The following ODAD4 variants were observed in gnomAD, a reference collection of about 807,000 sequenced individuals.
ODAD4 encodes outer dynein arm-docking complex subunit 4.
Under a neutral mutation model 51.8 loss-of-function variants are expected in ODAD4, and 49 were observed. The observed-to-expected ratio is 0.95, with a 90% CI of 0.75 to 1.20. The LOEUF is 1.20. Among genes scored for constraint, ODAD4 ranks in the 50% most tolerant of loss-of-function variants. ODAD4 has a pLI of 0.00. For synonymous variants in ODAD4, 235 were observed against 221.3 expected (o/e 1.06, Z -0.55); for missense variants, 590 against 586.5 (o/e 1.01, Z -0.06).
chr17:41,957,073 A>C (rs1555641126), intron 10 of ODAD4, among the ~76,000 whole-genome samples: 1 of 151,786 alleles, frequency 6.6e-6, no homozygotes, highest in Non-Finnish European at 1.5e-5. Flanking sequence ...CTGGGGGCTA[A>C]TTTTTTATTT....
intron 3 of ODAD4, 70 bp from the exon 4 acceptor site, chr17:41,936,403 A>T: frequency 8.8e-7 from 1 of 1,142,698 alleles, no homozygotes; most frequent in Non-Finnish European, 1.3e-6. Flanking sequence ...AGCCATTTCT[A>T]CATAAAAATA....
Position 41,965,113 on chromosome 17 carries a change from A to G in ODAD4, c.1649A>G (p.Glu550Gly), listed in dbSNP as rs1555642353. ...AGTGAGGATGAGAAAGAGACAGATG[A>G]GGACGATGAGGCTTTTGGGGAAGCT... The part of the protein sequence containing the change: ...DHSEDEKETD[E>G]DDEAFGEALQ... Residue 550 changes from glutamate (E) to glycine (G), a missense_variant, in exon 12 of 12, where the codon GAG becomes GGG. Physicochemically the swap from Glu to Gly is moderately conservative, Grantham distance 98. This residue lies in a region of ODAD4 where 226 missense variants were observed against 162.7 expected (regional missense o/e 1.39). Transcript: ENST00000377540. The G allele has an allele frequency of 2.6e-6, 2 of 772,714 alleles. No homozygotes were observed. Among genetic ancestry groups the G allele is most frequent in the Non-Finnish European group, 4.8e-6 (2 of 414,232 alleles). 47.9% of individuals were successfully genotyped at this position (772,714 alleles called of 1,614,324 possible).
At chr17:41,951,773 A>G (rs978686678) in intron 9 of ODAD4, among the ~76,000 whole-genome samples, 4 of 147,120 alleles carry the variant, frequency 2.7e-5, no homozygotes, top group Non-Finnish European at 5.9e-5. Flanking sequence ...AGTCCCAACT[A>G]CTCGGGAGGC....
chr17:41,940,110 C>T lies in ODAD4; in HGVS notation c.1058+938C>T, dbSNP rs535283881. Among the ~76,000 whole-genome samples the T allele has an allele frequency of 4.7e-4, 72 of 152,292 alleles. 1 individual carries two copies. Among genetic ancestry groups the T allele is most frequent in the African/African-American group, 1.6e-3 (68 of 41,560 alleles). ...CCTGGTTCTACCCTTTGGAGTCATTCTTGACTTCCTCCTGCCTGGTTTCTA... is the reference window on the plus strand; with the variant it reads ...CCTGGTTCTACCCTTTGGAGTCATTTTTGACTTCCTCCTGCCTGGTTTCTA... On this transcript the variant is annotated intron_variant, in intron 7 of 11. Coordinates refer to ENST00000377540, the MANE Select transcript of ODAD4 (RefSeq NM_031421.5).
At chr17:41,951,883 CAAAAAA>C (rs55769009) in intron 9 of ODAD4, among the ~76,000 whole-genome samples, 1 of 35,550 alleles carries the variant, frequency 2.8e-5, no homozygotes, top group Non-Finnish European at 5.6e-5. Context: ...GACTCTGTCG[CAAAAAA>C]AAAAAAAAAA....
Position 41,965,566 on chromosome 17 carries a change from G to T in ODAD4, c.*83G>T. 1.5e-6 allele frequency: 1 copy of T among 664,472 alleles called. No homozygotes were observed. 41.2% of individuals were successfully genotyped at this position (664,472 alleles called of 1,614,324 possible). ...ATTAAACTGGATTTTCAAGCGATTT[G>T]TCTGTTATAGGAAAAATGAGGGTTT... On this transcript the variant is annotated 3_prime_UTR_variant, in exon 12 of 12. Coordinates refer to ENST00000377540, the MANE Select transcript of ODAD4 (RefSeq NM_031421.5).
At position 41,965,324 on chromosome 17, in the gene ODAD4, G is replaced by C. The variant is rs782092410; in HGVS notation, c.1860G>C (p.Glu620Asp). The C allele has an allele frequency of 5.1e-6, 4 of 780,526 alleles. No individual in the cohort carries two copies. The African/African-American group carries it at 6.8e-5, about 13-fold the overall frequency. 48.4% of individuals were successfully genotyped at this position (780,526 alleles called of 1,614,324 possible). Residue 620 changes from glutamate to aspartate, a missense_variant, in exon 12 of 12, where the codon GAG becomes GAC. By Grantham distance (45) the Glu-to-Asp change is conservative (BLOSUM62 2). Coordinates refer to ENST00000377540, the MANE Select transcript of ODAD4 (RefSeq NM_031421.5). ...EIYRRPSGEL[E>D]QRLSGEFSRQ... ...ATAGGAGGCCTTCGGGAGAATTAGA[G>C]CAAAGACTCTCAGGAGAATTCAGCA...
At chr17:41,939,283 C>T (rs2050474194) in intron 7 of ODAD4, 111 bp downstream of exon 7, 2 of 1,072,980 alleles carry the variant, frequency 1.9e-6, no homozygotes, top group Admixed American at 2.8e-5. Flanking sequence ...TTCTGCTCTG[C>T]ATGCCTGAGG....
rs371241893 is a variant in ODAD4, at chr17:41,965,375, A to C, written c.1911A>C (p.Lys637Asn). 10 of 780,656 alleles carry C rather than the reference A, an allele frequency of 1.3e-5. No homozygotes were observed. The African/African-American group carries it at 1.7e-4, about 13-fold the overall frequency. 48.4% of individuals were successfully genotyped at this position (780,656 alleles called of 1,614,324 possible). A position where few individuals can be genotyped will look rare whatever the true frequency, so the allele number is the denominator to read the frequency against. Residue 637 changes from lysine (K) to asparagine (N), a missense_variant, in exon 12 of 12, where the codon AAA becomes AAC. By Grantham distance (94) the Lys-to-Asn change is moderately conservative. Around this residue, in one of 3 missense-constraint regions of ODAD4, gnomAD observed 226 missense variants for 162.7 expected, o/e 1.39. Transcript: ENST00000377540. Reference sequence around the variant, plus strand: ...GACAGGAACCAGAAGAACTAAAGAAACTTTCAGAAGTGGGCAGAAGAGAGC... The same window carrying C: ...GACAGGAACCAGAAGAACTAAAGAACCTTTCAGAAGTGGGCAGAAGAGAGC... ...FSRQEPEELK[K>N]LSEVGRREPE...
intron 10 of ODAD4, among the ~76,000 whole-genome samples, chr17:41,956,726 G>A (rs1485544163): frequency 6.6e-6 from 1 of 151,818 alleles, no homozygotes; most frequent in Non-Finnish European, 1.5e-5. Context: ...TCCAGCCTGG[G>A]TGACAGAGCG....
At chr17:41,959,548 C>A (rs2050777197) in intron 10 of ODAD4, among the ~76,000 whole-genome samples, 1 of 152,216 alleles carries the variant, frequency 6.6e-6, no homozygotes, top group East Asian at 1.9e-4. Context: ...GGAGGAAGAC[C>A]TCATGCTGTG....
intron 9 of ODAD4, among the ~76,000 whole-genome samples, chr17:41,953,164 G>A (rs980968540): frequency 1.3e-5 from 2 of 151,958 alleles, no homozygotes; most frequent in African/African-American, 2.4e-5. Context: ...GATTTCAAGC[G>A]ATTCTTCTGC....
chr17:41,943,422 C>T (rs1311264103), intron 7 of ODAD4, among the ~76,000 whole-genome samples: 4 of 152,070 alleles, frequency 2.6e-5, no homozygotes, highest in African/African-American at 9.7e-5. Flanking sequence ...TGGGTGCAGG[C>T]GGGCTGAGTC....
chr17:41,963,021 G>A (rs2050826112), intron 11 of ODAD4, among the ~76,000 whole-genome samples: 1 of 152,236 alleles, frequency 6.6e-6, no homozygotes, highest in Admixed American at 6.5e-5. Context: ...CCTTTGAGCT[G>A]CTCTGAGAAG....
intron 10 of ODAD4, among the ~76,000 whole-genome samples, chr17:41,960,182 A>G (rs1041447621): frequency 1.3e-5 from 2 of 152,186 alleles, no homozygotes; most frequent in Non-Finnish European, 2.9e-5. Flanking sequence ...GATTACAACG[A>G]AAGGCCAGAC....
At chr17:41,939,233 T>C in intron 7 of ODAD4, 61 bp downstream of exon 7, 1 of 1,479,756 alleles carries the variant, frequency 6.8e-7, no homozygotes, top group Non-Finnish European at 9.1e-7. Flanking sequence ...TGGGGCTATC[T>C]GAGGCCCTTG....
rs782544686 is a variant in ODAD4, at chr17:41,935,614, G to A, written c.262G>A (p.Ala88Thr). ...CCCATTCCAGGGGATTTTGCAAAAG[G>A]CTGAGACACTGTACACCATGGGAGA... Reference protein sequence around the residue: ...PAFCKGILQKAETLYTMGDFE... With the variant: ...PAFCKGILQKTETLYTMGDFE... The change falls in exon 3 of 12, where the codon GCT becomes ACT. Residue 88 changes from alanine to threonine, a missense_variant. By Grantham distance (58) the Ala-to-Thr change is moderately conservative (BLOSUM62 0). Coordinates refer to ENST00000377540, the MANE Select transcript of ODAD4 (RefSeq NM_031421.5). 13 of 1,612,530 alleles carry A rather than the reference G, an allele frequency of 8.1e-6. No individual in the cohort carries two copies. Among genetic ancestry groups the A allele is most frequent in the Non-Finnish European group, 1.1e-5 (13 of 1,179,220 alleles).
In ODAD4 at chr17:41,961,464, G is replaced by T; in HGVS notation, c.1526G>T (p.Gly509Val). The change falls in exon 11 of 12, where the codon GGA becomes GTA. Residue 509 changes from glycine to valine, a missense_variant and splice_region_variant. Gly to Val is a moderately radical substitution (Grantham distance 109). Transcript: ENST00000377540. ...GAGAATCTCAAAGAAAAAAGCGAGG[G>T]AGGTGAGTTCCTGAAACTCTGAAAA... ...YVENLKEKSE[G>V]EASLYEDRII... 1.4e-6 allele frequency: 1 copy of T among 726,004 alleles called. No individual in the cohort carries two copies. Among genetic ancestry groups the T allele is most frequent in the East Asian group, 2.6e-5 (1 of 37,916 alleles). 45.0% of individuals were successfully genotyped at this position (726,004 alleles called of 1,614,324 possible). A position where few individuals can be genotyped will look rare whatever the true frequency, so the allele number is the denominator to read the frequency against.
intron 11 of ODAD4, 150 bp from the exon 12 acceptor site, chr17:41,964,843 G>C (rs1213273493): frequency 8.8e-6 from 5 of 565,124 alleles, no homozygotes; most frequent in Admixed American, 3.2e-5. Context: ...GGGTCTCACT[G>C]TGTCGCCCAG....
Sources: allele counts gnomAD v4.1 joint callset (sites outside exome capture counted in the v4.1 genomes callset), GRCh38; gene constraint gnomAD v4.1.1; regional missense constraint gnomAD v4.1.1; transcripts MANE v1.5; gene names NCBI Gene and HGNC (gene_info 2026-07-23, HGNC 2026-07-21).